The following NIT2 variants were observed in gnomAD, a reference collection of about 807,000 sequenced individuals.
NIT2 encodes the protein nitrilase family member 2, also known as omega-amidase NIT2.
A neutral mutation model predicts 42.7 loss-of-function variants in NIT2; 46 were observed. The ratio of observed to expected loss-of-function variants is 1.08; its 90% confidence interval spans 0.85 to 1.38. The LOEUF is 1.38. Ranked by LOEUF, NIT2 falls within the 40% of genes most tolerant of loss-of-function variation. NIT2 has a pLI of 0.00. For missense variants in NIT2, 309 were observed against 342.5 expected (o/e 0.90, Z 0.77); for synonymous variants, 123 against 121.9 (o/e 1.01, Z -0.06).
At position 100,355,341 on chromosome 3, in the gene NIT2, T is replaced by G; in HGVS notation, c.*73T>G. The G allele has an allele frequency of 8.4e-7, 1 of 1,188,436 alleles. No individual in the cohort carries two copies. Among genetic ancestry groups the G allele is most frequent in the Non-Finnish European group, 1.2e-6 (1 of 825,692 alleles). 73.6% of individuals were successfully genotyped at this position (1,188,436 alleles called of 1,614,324 possible). ...ACATAATCAACTCCCTATTAAATTCTTTAATGAAGATTTTTTTTTTAATTC... is the reference window on the plus strand; with the variant it reads ...ACATAATCAACTCCCTATTAAATTCGTTAATGAAGATTTTTTTTTTAATTC... On this transcript the variant is annotated 3_prime_UTR_variant, in exon 10 of 10. Transcript: ENST00000394140.
chr3:100,338,016 G>A (rs2148880514), intron 1 of NIT2, among the ~76,000 whole-genome samples: 1 of 152,264 alleles, frequency 6.6e-6, no homozygotes, highest in South Asian at 2.1e-4. Context: ...GGCTGCAGTG[G>A]ACCATGTTTG....
At chr3:100,351,629 C>T (rs1170842444) in intron 7 of NIT2, among the ~76,000 whole-genome samples, 3 of 152,174 alleles carry the variant, frequency 2.0e-5, no homozygotes, top group Non-Finnish European at 2.9e-5. Context: ...AAGACTTAAA[C>T]GTTGGACCTA....
At chr3:100,349,636 A>T (rs1158808079) in intron 7 of NIT2, 1 of 152,220 alleles carries the variant, frequency 6.6e-6, no homozygotes, top group African/African-American at 2.4e-5. Context: ...TACCCAGCTG[A>T]TTCTATGCCA....
chr3:100,354,640 C>T, intron 8 of NIT2, 132 bp from the exon 9 acceptor site: 1 of 564,310 alleles, frequency 1.8e-6, no homozygotes. Context: ...GAACATAAAT[C>T]TGTACGACTA....
In NIT2 at chr3:100,353,601, T is replaced by G. The variant is rs111509697; in HGVS notation, c.683+1099T>G. On this transcript the variant is annotated intron_variant, in intron 8 of 9. Coordinates refer to ENST00000394140, the MANE Select transcript of NIT2 (RefSeq NM_020202.5). ...CAGAAAAGAATTCAGTTACGTGTCATAAATGGTGGTGCTTGTATTTGTAAC... is the reference window on the plus strand; with the variant it reads ...CAGAAAAGAATTCAGTTACGTGTCAGAAATGGTGGTGCTTGTATTTGTAAC... Among the ~76,000 whole-genome samples the G allele has an allele frequency of 6.2e-3, 942 of 152,310 alleles. 9 individuals are homozygous for G. The highest frequency in any genetic ancestry group is 0.021 in the African/African-American group (880 of 41,550).
Position 100,356,849 on chromosome 3 carries a change from T to G in NIT2, c.*1581T>G, listed in dbSNP as rs970403401. On this transcript the variant is annotated 3_prime_UTR_variant, in exon 10 of 10. Coordinates refer to ENST00000394140, the MANE Select transcript of NIT2 (RefSeq NM_020202.5). Reference sequence around the variant, plus strand: ...TAGATTAGCTTGCATTTTCTAAAATTATATAAAAATGAAATCATGCCATTA... The same window carrying G: ...TAGATTAGCTTGCATTTTCTAAAATGATATAAAAATGAAATCATGCCATTA... 2 of 152,190 alleles carry G rather than the reference T, an allele frequency of 1.3e-5. No individual in the cohort carries two copies. The highest frequency in any genetic ancestry group is 4.8e-5 in the African/African-American group (2 of 41,454). 9.4% of individuals were successfully genotyped at this position (152,190 alleles called of 1,614,324 possible).
intron 4 of NIT2, among the ~76,000 whole-genome samples, chr3:100,345,375 G>A (rs574879927): frequency 6.6e-6 from 1 of 152,268 alleles, no homozygotes; most frequent in African/African-American, 2.4e-5. Context: ...GGTTATAAAA[G>A]GTACAGTATC....
Position 100,348,875 on chromosome 3 carries a change from G to A in NIT2, c.578G>A (p.Arg193Gln), listed in dbSNP as rs201591317. Residue 193 changes from arginine (R) to glutamine (Q), a missense_variant, in exon 7 of 10, where the codon CGA (arginine) becomes CAA (glutamine). Transcript: ENST00000394140. Reference protein sequence around the residue: ...TGPAHWELLQRSRAVDNQVYV... With the variant: ...TGPAHWELLQQSRAVDNQVYV... ...CCAGCCCATTGGGAGTTACTTCAGC[G>A]AAGCCGGTAAGAAAGGAACCATATA... is the stretch of plus-strand genomic sequence containing the variant. 3.1e-5 allele frequency: 50 copies of A among 1,613,600 alleles called. No homozygotes were observed. The Middle Eastern group carries it at 5.0e-4, about 16-fold the overall frequency.
intron 8 of NIT2, among the ~76,000 whole-genome samples, chr3:100,353,327 C>CT (rs1316940731): frequency 6.6e-6 from 1 of 152,164 alleles, no homozygotes; most frequent in African/African-American, 2.4e-5. Flanking sequence ...AGTAACAAGA[C>CT]TGAGAAGAGT....
intron 8 of NIT2, among the ~76,000 whole-genome samples, chr3:100,353,199 C>A (rs1367977903): frequency 2.6e-5 from 4 of 152,160 alleles, no homozygotes; most frequent in Non-Finnish European, 5.9e-5. Flanking sequence ...GCGGCTAGAC[C>A]CAGTGTTTGA....
chr3:100,352,217 C>G (rs1244327529), intron 7 of NIT2, among the ~76,000 whole-genome samples, 187 bp from the exon 8 acceptor site: 1 of 152,194 alleles, frequency 6.6e-6, no homozygotes, highest in Non-Finnish European at 1.5e-5. Context: ...CCTCAGGGAT[C>G]TAGAACTAGA....
chr3:100,338,369 C>T (rs1166534600), intron 1 of NIT2, among the ~76,000 whole-genome samples: 2 of 152,174 alleles, frequency 1.3e-5, no homozygotes, highest in African/African-American at 4.8e-5. Context: ...ATCATGTTCT[C>T]TTGGACACAT....
chr3:100,352,467 T>C lies in NIT2; in HGVS notation c.648T>C (p.Tyr216=). 6.2e-7 allele frequency: 1 copy of C among 1,613,538 alleles called. No individual in the cohort carries two copies. The highest frequency in any genetic ancestry group is 8.5e-7 in the Non-Finnish European group (1 of 1,179,586). ...CTGCCCGGGATGACAAAGCCTCCTATGTTGCCTGGGGACACAGCACCGTGG... is the reference window on the plus strand; with the variant it reads ...CTGCCCGGGATGACAAAGCCTCCTACGTTGCCTGGGGACACAGCACCGTGG... ...ASPARDDKAS[Y]VAWGHSTVVN... is the part of the protein sequence containing the mutation. Residue 216 remains tyrosine (Y), a synonymous_variant, in exon 8 of 10, where the codon TAT becomes TAC. Coordinates refer to ENST00000394140, the MANE Select transcript of NIT2 (RefSeq NM_020202.5).
At chr3:100,351,357 T>C (rs1162979452) in intron 7 of NIT2, among the ~76,000 whole-genome samples, 10 of 152,108 alleles carry the variant, frequency 6.6e-5, no homozygotes, top group African/African-American at 2.4e-4. Context: ...CTTCAAACTA[T>C]ACTACAAGGC....
At chr3:100,347,298 G>A (rs1374887095) in intron 6 of NIT2, among the ~76,000 whole-genome samples, 1 of 152,144 alleles carries the variant, frequency 6.6e-6, no homozygotes, top group East Asian at 1.9e-4. Context: ...GTTTCACCGT[G>A]TTGGCCAGAC....
intron 1 of NIT2, 35 bp downstream of exon 1, chr3:100,334,833 C>T: frequency 8.2e-7 from 1 of 1,214,338 alleles, no homozygotes; most frequent in Non-Finnish European, 1.0e-6. Flanking sequence ...AGCTCGAGTT[C>T]GGGCCGCGGG....
At chr3:100,334,934 G>T (rs1296994968) in intron 1 of NIT2, 136 bp downstream of exon 1, 1 of 810,710 alleles carries the variant, frequency 1.2e-6, no homozygotes. Flanking sequence ...TGAGGCGGGC[G>T]TCCGCGTGGG....
At chr3:100,351,681 C>G (rs976249495) in intron 7 of NIT2, among the ~76,000 whole-genome samples, 6 of 152,072 alleles carry the variant, frequency 3.9e-5, no homozygotes, top group African/African-American at 1.2e-4. Context: ...CATTACCATT[C>G]AGGACATAGG....
At chr3:100,344,772 A>G (rs146301972) in intron 4 of NIT2, among the ~76,000 whole-genome samples, 24 of 149,568 alleles carry the variant, frequency 1.6e-4, no homozygotes, top group African/African-American at 5.7e-4. Flanking sequence ...CAGCTTCCCA[A>G]GTGGCTGGGA....
Sources: allele counts gnomAD v4.1 joint callset (sites outside exome capture counted in the v4.1 genomes callset), GRCh38; gene constraint gnomAD v4.1.1; transcripts MANE v1.5; gene names NCBI Gene and HGNC (gene_info 2026-07-23, HGNC 2026-07-21).